NRXN1: variants seen among roughly 807,000 people sequenced by gnomAD.
NRXN1 encodes neurexin-1.
A neutral mutation model predicts 150.9 loss-of-function variants in NRXN1; 39 were observed. The observed-to-expected ratio is 0.26, with a 90% CI of 0.20 to 0.34. The LOEUF (loss-of-function observed/expected upper bound fraction) is 0.34, where lower values mean the gene tolerates loss of function less well. Ranked by LOEUF, NRXN1 falls within the 10% of genes least tolerant of loss-of-function variation. The probability of loss-of-function intolerance (pLI) is 1.00; values close to 1 mark genes in which losing one functional copy is unlikely to be tolerated. For missense variants in NRXN1, 1,815 were observed against 1,949.9 expected, an observed-to-expected ratio of 0.93 and a Z score of 1.30; for synonymous variants, 924 against 757.0, an observed-to-expected ratio of 1.22 and a Z score of -3.62.
At chr2:50,375,269 A>C (rs1198648471) in intron 17 of NRXN1, among the ~76,000 whole-genome samples, 2 of 151,858 alleles carry the variant, frequency 1.3e-5, no homozygotes, top group South Asian at 2.1e-4. Flanking sequence ...GGTTTATAAT[A>C]AAAACAATGA....
chr2:50,291,135 G>GA (rs5831107), intron 17 of NRXN1, among the ~76,000 whole-genome samples: 87,193 of 143,712 alleles, frequency 0.61, 26,467 homozygotes, highest in Middle Eastern at 0.7. Context: ...CACAGAAGTT[G>GA]AAAAAAAAAA....
intron 2 of NRXN1, among the ~76,000 whole-genome samples, chr2:51,019,693 T>C (rs1195295320): frequency 6.6e-6 from 1 of 152,100 alleles, no homozygotes; most frequent in East Asian, 1.9e-4. Context: ...GTTGAGTTGT[T>C]CTAATTGGAA....
At chr2:50,351,812 A>C (rs1482142483) in intron 17 of NRXN1, among the ~76,000 whole-genome samples, 2 of 152,176 alleles carry the variant, frequency 1.3e-5, no homozygotes. Context: ...GCTGTCGTTG[A>C]AATACTGTCA....
chr2:50,780,883 G>A (rs941433271), intron 5 of NRXN1, among the ~76,000 whole-genome samples: 1 of 151,876 alleles, frequency 6.6e-6, no homozygotes, highest in Non-Finnish European at 1.5e-5. Flanking sequence ...TTAATTAATT[G>A]TAACCTCCTA....
intron 12 of NRXN1, among the ~76,000 whole-genome samples, chr2:50,517,679 AGT>A (rs1201724614): frequency 6.6e-6 from 1 of 152,144 alleles, no homozygotes; most frequent in East Asian, 1.9e-4. Flanking sequence ...CATACAGCCT[AGT>A]GGAACAAAAT....
chr2:50,794,391 G>C (rs1706492855), intron 5 of NRXN1, among the ~76,000 whole-genome samples: 1 of 152,020 alleles, frequency 6.6e-6, no homozygotes, highest in Non-Finnish European at 1.5e-5. Context: ...CTTTAGATGG[G>C]AAAAGAAACA....
At chr2:50,686,466 G>A (rs1259685274) in intron 5 of NRXN1, among the ~76,000 whole-genome samples, 1 of 152,144 alleles carries the variant, frequency 6.6e-6, no homozygotes, top group Non-Finnish European at 1.5e-5. Context: ...ACAAGACCAT[G>A]TCAGCCTCTC....
At chr2:50,732,761 T>G (rs1223088571) in intron 5 of NRXN1, among the ~76,000 whole-genome samples, 1 of 152,174 alleles carries the variant, frequency 6.6e-6, no homozygotes, top group Non-Finnish European at 1.5e-5. Flanking sequence ...ACCACTTCTA[T>G]GTACTATATC....
chr2:50,534,537 T>C (rs1247291168), intron 10 of NRXN1, among the ~76,000 whole-genome samples: 1 of 152,186 alleles, frequency 6.6e-6, no homozygotes, highest in Admixed American at 6.5e-5. Context: ...TGTAAAGTTA[T>C]AGTGAATTCT....
intron 17 of NRXN1, among the ~76,000 whole-genome samples, chr2:50,447,371 T>G (rs2086512503): frequency 6.7e-6 from 1 of 148,564 alleles, no homozygotes; most frequent in Admixed American, 6.8e-5. Context: ...TTCCAGCTAC[T>G]TGGGAGGCTG....
At chr2:50,214,169 C>A (rs2063225682) in intron 18 of NRXN1, among the ~76,000 whole-genome samples, 1 of 151,898 alleles carries the variant, frequency 6.6e-6, no homozygotes, top group South Asian at 2.1e-4. Context: ...TACTGAGTAA[C>A]AATATCTTCT....
At chr2:50,482,172 T>C (rs970002132) in intron 15 of NRXN1, among the ~76,000 whole-genome samples, 13 of 152,192 alleles carry the variant, frequency 8.5e-5, no homozygotes, top group African/African-American at 2.9e-4. Context: ...TTTGTTTGTA[T>C]GTTTGGCCAA....
At chr2:50,216,878 C>T (rs2063438633) in intron 18 of NRXN1, among the ~76,000 whole-genome samples, 1 of 151,986 alleles carries the variant, frequency 6.6e-6, no homozygotes, top group African/African-American at 2.4e-5. Flanking sequence ...ATCACAAGTT[C>T]TAAATTATAC....
At chr2:50,246,675 T>C (rs908151395) in intron 17 of NRXN1, among the ~76,000 whole-genome samples, 3 of 152,054 alleles carry the variant, frequency 2.0e-5, no homozygotes, top group African/African-American at 4.8e-5. Flanking sequence ...ACAAATGCAA[T>C]ACACATTCTC....
At chr2:50,665,248 C>T (rs964112829) in intron 5 of NRXN1, among the ~76,000 whole-genome samples, 1 of 151,910 alleles carries the variant, frequency 6.6e-6, no homozygotes, top group Non-Finnish European at 1.5e-5. Flanking sequence ...CTCTAAAACA[C>T]TATCTACTAT....
chr2:51,007,544 TTGTG>T (rs923161382), intron 2 of NRXN1, among the ~76,000 whole-genome samples: 7 of 151,900 alleles, frequency 4.6e-5, no homozygotes, highest in African/African-American at 9.7e-5. Context: ...CTTTTACCTT[TTGTG>T]TGTGTGTGTT....
chr2:50,712,319 T>C (rs1219911623), intron 5 of NRXN1, among the ~76,000 whole-genome samples: 1 of 152,106 alleles, frequency 6.6e-6, no homozygotes, highest in African/African-American at 2.4e-5. Context: ...ACATAATTAA[T>C]TGCTATTTTT....
At chr2:50,666,086 T>C (rs1409490832) in intron 5 of NRXN1, among the ~76,000 whole-genome samples, 3 of 151,940 alleles carry the variant, frequency 2.0e-5, no homozygotes, top group Admixed American at 6.6e-5. Flanking sequence ...GAGGCCAACA[T>C]TTATGTGTTT....
chr2:50,985,149 G>A (rs1697492170), intron 2 of NRXN1, among the ~76,000 whole-genome samples: 1 of 151,982 alleles, frequency 6.6e-6, no homozygotes, highest in Admixed American at 6.6e-5. Context: ...TAAATCTGTA[G>A]ATTACCACAG....
Sources: allele counts gnomAD v4.1 joint callset (sites outside exome capture counted in the v4.1 genomes callset), GRCh38; gene constraint gnomAD v4.1.1; transcripts MANE v1.5; gene names NCBI Gene and HGNC (gene_info 2026-07-23, HGNC 2026-07-21).